Variants in PPARD observed in about 807,000 individuals in gnomAD.
PPARD encodes the protein peroxisome proliferator activated receptor delta.
PPARD carries 6 observed loss-of-function variants against 39.5 expected under a neutral mutation model. The ratio of observed to expected loss-of-function variants is 0.15; its 90% CI spans 0.08 to 0.30. The LOEUF (loss-of-function observed/expected upper bound fraction) is 0.30, where lower values mean the gene tolerates loss of function less well. PPARD is among the 10% of genes least tolerant of loss of function. The pLI, the probability that PPARD is intolerant of heterozygous loss-of-function variation, is 1.00. For missense variants in PPARD, 397 were observed against 596.8 expected, an observed-to-expected ratio of 0.67 and a Z score of 3.49; for synonymous variants, 210 against 231.3, an observed-to-expected ratio of 0.91 and a Z score of 0.83.
At chr6:35,376,277 A>G (rs1405379986) in intron 2 of PPARD, among the ~76,000 whole-genome samples, 1 of 152,190 alleles carries the variant, frequency 6.6e-6, no homozygotes, top group Admixed American at 6.5e-5. Context: ...CGTTTTCTCT[A>G]CAGTGGCCTC....
rs1031913662 is a variant in PPARD, at chr6:35,367,089, G to A, written c.-102+19939G>A. Among the ~76,000 whole-genome samples, 4 of 152,252 alleles carry A rather than the reference G, an allele frequency of 2.6e-5. No individual in the cohort carries two copies. The East Asian group carries it at 7.7e-4, about 29-fold the overall frequency. ...GAGGTGAGGTTTTGTCCGTTCCCTG[G>A]ATGCTAAAAGGAAATGGAGGAGTGT... On this transcript the variant is annotated intron_variant, in intron 2 of 7. Coordinates refer to ENST00000360694, the MANE Select transcript of PPARD (RefSeq NM_006238.5).
At position 35,428,013 on chromosome 6, in the gene PPARD, G is replaced by C. The variant is rs1372658209; in HGVS notation, c.*1934G>C. 1 of 152,522 alleles carries C rather than the reference G, an allele frequency of 6.6e-6. No homozygotes were observed. Among genetic ancestry groups the C allele is most frequent in the African/African-American group, 2.4e-5 (1 of 41,404 alleles). The allele number at this position is 152,522 out of a possible 1,614,324, so 9.4% of individuals were successfully genotyped here. A position where few individuals can be genotyped will look rare whatever the true frequency, so the allele number is the denominator to read the frequency against. On this transcript the variant is annotated 3_prime_UTR_variant, in exon 8 of 8. Coordinates refer to ENST00000360694, the MANE Select transcript of PPARD (RefSeq NM_006238.5). ...CTCCCCGGCCACATGCCGCGTCCCTGCCCCGACCCGGGTCTGGTGCTGAGG... is the reference window on the plus strand; with the variant it reads ...CTCCCCGGCCACATGCCGCGTCCCTCCCCCGACCCGGGTCTGGTGCTGAGG...
rs1160662000 is a variant in PPARD, at chr6:35,426,515, C to T, written c.*436C>T. 5.6e-6 allele frequency: 1 copy of T among 179,752 alleles called. No homozygotes were observed. The highest frequency in any genetic ancestry group is 1.2e-5 in the Non-Finnish European group (1 of 85,764). 11.1% of individuals were successfully genotyped at this position (179,752 alleles called of 1,614,324 possible). On this transcript the variant is annotated 3_prime_UTR_variant, in exon 8 of 8. Transcript: ENST00000360694. ...CCCCAGGAGCAGAAGAGAGTGGGGC[C>T]TGCCCTCTGCCCCATCATTGCACCT... is the stretch of plus-strand genomic sequence containing the variant.
At chr6:35,422,624 A>T (rs1037961776) in intron 5 of PPARD, among the ~76,000 whole-genome samples, 1 of 152,130 alleles carries the variant, frequency 6.6e-6, no homozygotes, top group East Asian at 1.9e-4. Context: ...CTGCTTGGCC[A>T]GCTTTTACCC....
chr6:35,343,000 TCTTC>T (rs1369038071), intron 1 of PPARD, among the ~76,000 whole-genome samples: 1 of 151,918 alleles, frequency 6.6e-6, no homozygotes, highest in African/African-American at 2.4e-5. Context: ...GGTGGCTTCG[TCTTC>T]TCCCACTTGT....
At chr6:35,423,337 T>G (rs1766320905) in intron 5 of PPARD, among the ~76,000 whole-genome samples, 1 of 151,728 alleles carries the variant, frequency 6.6e-6, no homozygotes, top group Admixed American at 6.6e-5. Flanking sequence ...AAGACCAGCC[T>G]GGCCAAGATG....
chr6:35,386,442 G>A (rs1763666158), intron 2 of PPARD, among the ~76,000 whole-genome samples: 1 of 151,232 alleles, frequency 6.6e-6, no homozygotes, highest in African/African-American at 2.4e-5. Context: ...AGTGAGCTGT[G>A]GTCATGCCAC....
chr6:35,351,256 ACCTCGTGATTCACCCGCGTCGGCCTC>A (rs894544117), intron 2 of PPARD, among the ~76,000 whole-genome samples: 28 of 151,230 alleles, frequency 1.9e-4, no homozygotes, highest in African/African-American at 6.6e-4. Flanking sequence ...CAATCTCCTG[ACCTCGTGATTCACCCGCGTCGGCCTC>A]CCAAAGTGCT....
At chr6:35,349,260 C>T (rs530253927) in intron 2 of PPARD, among the ~76,000 whole-genome samples, 50 of 152,218 alleles carry the variant, frequency 3.3e-4, no homozygotes, top group East Asian at 1.4e-3. Context: ...CTCCTGACCT[C>T]GTGATCCACC....
chr6:35,350,734 T>C (rs1761195907), intron 2 of PPARD, among the ~76,000 whole-genome samples: 1 of 145,154 alleles, frequency 6.9e-6, no homozygotes, highest in South Asian at 2.4e-4. Flanking sequence ...CGAGCAGTTC[T>C]CCTGCCTCAG....
At position 35,363,941 on chromosome 6, in the gene PPARD, T is replaced by C. The variant is rs541709912; in HGVS notation, c.-102+16791T>C. 2.0e-5 allele frequency among the ~76,000 whole-genome samples: 3 copies of C among 149,740 alleles called. No homozygotes were observed. Among genetic ancestry groups the C allele is most frequent in the Admixed American group, 6.7e-5 (1 of 14,946 alleles). ...ATATTATATTAAATTAATATATTTA[T>C]ATATTATATTAACGGTTTTATATAT... On this transcript the variant is annotated intron_variant, in intron 2 of 7. Coordinates refer to ENST00000360694, the MANE Select transcript of PPARD (RefSeq NM_006238.5). This position sits in a 1 kb window ranked among gnomAD's most constrained non-coding sequence, Gnocchi z 4.5.
chr6:35,410,478 G>C (rs1386407906), intron 2 of PPARD, among the ~76,000 whole-genome samples: 1 of 152,192 alleles, frequency 6.6e-6, no homozygotes, highest in Non-Finnish European at 1.5e-5. Flanking sequence ...GAACAGCAGG[G>C]CTTTATGTCT....
chr6:35,353,398 G>T (rs1761377033), intron 2 of PPARD, among the ~76,000 whole-genome samples: 1 of 152,156 alleles, frequency 6.6e-6, no homozygotes, highest in South Asian at 2.1e-4. Context: ...CACAGATTAA[G>T]CACCCAGAGC....
chr6:35,374,861 C>T lies in PPARD; in HGVS notation c.-102+27711C>T, dbSNP rs971763051. On this transcript the variant is annotated intron_variant, in intron 2 of 7. Transcript: ENST00000360694. ...CCTTAATGGAATCATCCACATCCCC[C>T]TGGTCACCTGACAGTTGCCCTCTAT... 2.6e-5 allele frequency among the ~76,000 whole-genome samples: 4 copies of T among 152,226 alleles called. No individual in the cohort carries two copies. The East Asian group carries it at 7.7e-4, about 29-fold the overall frequency.
intron 2 of PPARD, among the ~76,000 whole-genome samples, chr6:35,404,910 G>A (rs576370555): frequency 3.9e-5 from 6 of 152,062 alleles, no homozygotes; most frequent in African/African-American, 1.2e-4. Flanking sequence ...CAGACAGTGG[G>A]TATTGGAATG....
At chr6:35,389,738 A>G (rs1678408532) in intron 2 of PPARD, among the ~76,000 whole-genome samples, 1 of 152,270 alleles carries the variant, frequency 6.6e-6, no homozygotes, top group East Asian at 1.9e-4. Flanking sequence ...CAAGCAGGCA[A>G]ATAAATAGCA....
chr6:35,386,118 G>A (rs1763639810), intron 2 of PPARD, among the ~76,000 whole-genome samples: 1 of 152,110 alleles, frequency 6.6e-6, no homozygotes, highest in Non-Finnish European at 1.5e-5. Context: ...GCAGCCAAGG[G>A]CCTCTTAGAT....
At chr6:35,367,953 C>A (rs1182874647) in intron 2 of PPARD, among the ~76,000 whole-genome samples, 1 of 152,142 alleles carries the variant, frequency 6.6e-6, no homozygotes, top group African/African-American at 2.4e-5. Flanking sequence ...AGGTTTGTAG[C>A]CATATTTAAT....
intron 2 of PPARD, among the ~76,000 whole-genome samples, chr6:35,375,956 T>C (rs1167152957): frequency 6.6e-6 from 1 of 152,258 alleles, no homozygotes; most frequent in Non-Finnish European, 1.5e-5. Flanking sequence ...ATGAGTATTC[T>C]CTTTAATCTT....
Sources: gnomAD v4.1 joint callset for allele counts (sites outside exome capture counted in the v4.1 genomes callset) on GRCh38, gnomAD v4.1.1 for gene constraint, Gnocchi (gnomAD v3.1) non-coding constraint, MANE v1.5 for transcripts, NCBI Gene and HGNC (gene_info 2026-07-23, HGNC 2026-07-21) for gene names.